The following UGT2B28 variants were observed in gnomAD, a reference collection of about 807,000 sequenced individuals.
The protein encoded by UGT2B28 is UDP glucuronosyltransferase family 2 member B28.
In UGT2B28, 45 loss-of-function variants were observed where a neutral mutation model predicts 43.6. The ratio of observed to expected loss-of-function variants is 1.03; its 90% CI spans 0.81 to 1.32. The LOEUF is 1.32. UGT2B28 is among the 40% of genes most tolerant of loss of function. The pLI is 0.00. For synonymous variants in UGT2B28, 204 were observed against 208.1 expected (o/e 0.98, Z 0.17); for missense variants, 649 against 625.5 (o/e 1.04, Z -0.40).
At chr4:69,287,404 G>C (rs1207715978) in intron 3 of UGT2B28, among the ~76,000 whole-genome samples, 1 of 140,540 alleles carries the variant, frequency 7.1e-6, no homozygotes. Flanking sequence ...AAGAAGATTT[G>C]ACTTACTCTT....
Position 69,280,811 on chromosome 4 carries a change from G to C in UGT2B28, c.311G>C (p.Ser104Thr). 1 of 1,566,378 alleles carries C rather than the reference G, an allele frequency of 6.4e-7. No homozygotes were observed. The highest frequency in any genetic ancestry group is 8.6e-7 in the Non-Finnish European group (1 of 1,158,174). Residue 104 changes from serine (S) to threonine (T), a missense_variant, in exon 1 of 6, where the codon AGC (serine) becomes ACC (threonine). Transcript: ENST00000335568. ...AGATGGTCAGACATTCAAAAAGATA[G>C]CTTTTGGTTATATTTTTCACAAGAA... ...VKRWSDIQKDSFWLYFSQEQE... is the reference protein window; with the variant it reads ...VKRWSDIQKDTFWLYFSQEQE...
In UGT2B28 at chr4:69,293,059, A is replaced by G. The variant is rs1723998254; in HGVS notation, c.1311-1471A>G. On this transcript the variant is annotated intron_variant, in intron 5 of 5. Coordinates refer to ENST00000335568, the MANE Select transcript of UGT2B28 (RefSeq NM_053039.2). ...AAAATTGTTAGCAACCCAAATATCTATTCATCGTAAAATGAAGACATAATC... is the reference window on the plus strand; with the variant it reads ...AAAATTGTTAGCAACCCAAATATCTGTTCATCGTAAAATGAAGACATAATC... Among the ~76,000 whole-genome samples, 2 of 140,812 alleles carry G rather than the reference A, an allele frequency of 1.4e-5. 1 individual carries two copies. The highest frequency in any genetic ancestry group is 4.7e-4 in the South Asian group (2 of 4,224). 92.4% of individuals were successfully genotyped at this position (140,812 alleles called of 152,430 possible). A position where few individuals can be genotyped will look rare whatever the true frequency, so the allele number is the denominator to read the frequency against.
At chr4:69,288,565 T>C (rs1723848114) in intron 3 of UGT2B28, among the ~76,000 whole-genome samples, 1 of 140,314 alleles carries the variant, frequency 7.1e-6, no homozygotes, top group Non-Finnish European at 1.5e-5. Context: ...TTTTTTATAA[T>C]ATTTTTATTT....
In UGT2B28 at chr4:69,288,350, C is replaced by A. The variant is rs1239265448; in HGVS notation, c.1003-1315C>A. On this transcript the variant is annotated intron_variant, in intron 3 of 5. Transcript: ENST00000335568. ...ACTTGCTATTTTGTCAATCAAAGGA[C>A]AACAGGCTCTAATATAATAACCTAC... 4.3e-5 allele frequency among the ~76,000 whole-genome samples: 6 copies of A among 138,994 alleles called. 2 individuals carry two copies. Among genetic ancestry groups the A allele is most frequent in the African/African-American group, 1.1e-4 (4 of 35,610 alleles). 91.2% of individuals were successfully genotyped at this position (138,994 alleles called of 152,430 possible). A position where few individuals can be genotyped will look rare whatever the true frequency, so the allele number is the denominator to read the frequency against.
chr4:69,283,343 G>T (rs1333938296), intron 2 of UGT2B28, among the ~76,000 whole-genome samples: 1 of 139,840 alleles, frequency 7.2e-6, no homozygotes, highest in Non-Finnish European at 1.5e-5. Context: ...TACATATTAG[G>T]AGTGGAAATA....
intron 2 of UGT2B28, among the ~76,000 whole-genome samples, chr4:69,284,337 A>T (rs181066952): frequency 2.1e-5 from 3 of 141,062 alleles, no homozygotes; most frequent in Non-Finnish European, 4.6e-5. Context: ...TTAAATTAAT[A>T]TCACATTTTA....
chr4:69,283,080 T>G (rs761309296), intron 2 of UGT2B28, among the ~76,000 whole-genome samples: 3 of 140,542 alleles, frequency 2.1e-5, no homozygotes, highest in Non-Finnish European at 3.0e-5. Context: ...GAAAATGTTT[T>G]AAAAAACTAT....
In UGT2B28 at chr4:69,283,826, A is replaced by G. The variant is rs1429055629; in HGVS notation, c.870+1164A>G. ...ATATTCTCTTGCAAAGTCATATATG[A>G]CAGATACCCTGTGGACTTGATTAAA... On this transcript the variant is annotated intron_variant, in intron 2 of 5. Coordinates refer to ENST00000335568, the MANE Select transcript of UGT2B28 (RefSeq NM_053039.2). 2.1e-5 allele frequency among the ~76,000 whole-genome samples: 3 copies of G among 140,574 alleles called. 1 individual carries two copies. Among genetic ancestry groups the G allele is most frequent in the African/African-American group, 8.3e-5 (3 of 36,056 alleles). 92.2% of individuals were successfully genotyped at this position (140,574 alleles called of 152,430 possible). A position where few individuals can be genotyped will look rare whatever the true frequency, so the allele number is the denominator to read the frequency against.
chr4:69,283,007 AAT>A lies in UGT2B28; in HGVS notation c.870+347_870+348del, dbSNP rs2109683781. On this transcript the variant is annotated intron_variant, in intron 2 of 5. Coordinates refer to ENST00000335568, the MANE Select transcript of UGT2B28 (RefSeq NM_053039.2). ...AAGTGCAGAAATTTCAGAGAAAAAAAATAGACAGTTTCCGTCTGCACATACCT... is the reference window on the plus strand; with the variant it reads ...AAGTGCAGAAATTTCAGAGAAAAAAAAGACAGTTTCCGTCTGCACATACCT... 1.4e-5 allele frequency among the ~76,000 whole-genome samples: 2 copies of A among 140,940 alleles called. 1 individual carries two copies. The highest frequency in any genetic ancestry group is 5.5e-5 in the African/African-American group (2 of 36,250). The allele number at this position is 140,940 out of a possible 152,430, so 92.5% of individuals were successfully genotyped here. A position where few individuals can be genotyped will look rare whatever the true frequency, so the allele number is the denominator to read the frequency against.
Position 69,292,065 on chromosome 4 carries a change from T to C in UGT2B28, c.1310+1254T>C, listed in dbSNP as rs573570777. Among the ~76,000 whole-genome samples, 3 of 140,746 alleles carry C rather than the reference T, an allele frequency of 2.1e-5. 1 individual carries two copies. The highest frequency in any genetic ancestry group is 4.6e-5 in the Non-Finnish European group (3 of 65,762). 92.3% of individuals were successfully genotyped at this position (140,746 alleles called of 152,430 possible). On this transcript the variant is annotated intron_variant, in intron 5 of 5. Coordinates refer to ENST00000335568, the MANE Select transcript of UGT2B28 (RefSeq NM_053039.2). ...CTTGGAACATTTTTAACTTTTCTAT[T>C]TGTCTTATTATTAAGTTTTAAGAAC...
chr4:69,291,739 C>CT (rs35059283), intron 5 of UGT2B28, among the ~76,000 whole-genome samples: 63,271 of 138,230 alleles, frequency 0.46, 20,063 homozygotes, highest in Non-Finnish European at 0.53. Flanking sequence ...TGGGTTGATG[C>CT]AGAAGTGGAA....
In UGT2B28 at chr4:69,280,875, C is replaced by A. The variant is rs1723580064; in HGVS notation, c.375C>A (p.Asn125Lys). Residue 125 changes from asparagine to lysine, a missense_variant, in exon 1 of 6, where the codon AAC becomes AAA. By Grantham distance (94) the Asn-to-Lys change is moderately conservative. Transcript: ENST00000335568. ...GGGAATTTCATGACATATTTAGAAA[C>A]TTCTGTAAAGATGTAGTTTCAAATA... The part of the protein sequence containing the change: ...ILWEFHDIFR[N>K]FCKDVVSNKK... 9 of 1,558,190 alleles carry A rather than the reference C, an allele frequency of 5.8e-6. No individual in the cohort carries two copies. The highest frequency in any genetic ancestry group is 7.8e-6 in the Non-Finnish European group (9 of 1,155,232).
At chr4:69,291,528 T>C (rs1723955013) in intron 5 of UGT2B28, among the ~76,000 whole-genome samples, 1 of 140,918 alleles carries the variant, frequency 7.1e-6, no homozygotes. Context: ...TTTTGTTCTT[T>C]TCTTATGGTT....
In UGT2B28 at chr4:69,290,762, T is replaced by A. The variant is rs1723932913; in HGVS notation, c.1261T>A (p.Ser421Thr). The part of the protein sequence containing the change: ...AAVRLDFHTM[S>T]STDLLNALKT... The stretch of plus-strand genomic sequence containing the variant: ...TGTTAGACTGGACTTCCACACAATG[T>A]CGAGTACAGACCTGCTGAATGCACT... Residue 421 changes from serine to threonine, a missense_variant, in exon 5 of 6, where the codon TCG (serine) becomes ACG (threonine). Physicochemically the swap from Ser to Thr is moderately conservative, Grantham distance 58 (BLOSUM62 1). Coordinates refer to ENST00000335568, the MANE Select transcript of UGT2B28 (RefSeq NM_053039.2). 1 of 1,559,790 alleles carries A rather than the reference T, an allele frequency of 6.4e-7. No individual in the cohort carries two copies. The highest frequency in any genetic ancestry group is 1.5e-5 in the African/African-American group (1 of 66,078).
intron 5 of UGT2B28, among the ~76,000 whole-genome samples, chr4:69,294,253 TA>T (rs1464503240): frequency 1.5e-5 from 2 of 137,440 alleles, no homozygotes; most frequent in East Asian, 4.2e-4. Flanking sequence ...ATTAAAGAAT[TA>T]AAAACAATTA....
rs371477713 is a variant in UGT2B28, at chr4:69,286,848, G to C, written c.967G>C (p.Val323Leu). ...ISNMTAERAN[V>L]IATALAKIPQ... ...TAACATGACAGCAGAAAGGGCCAAC[G>C]TAATTGCAACAGCCCTTGCCAAGAT... Residue 323 changes from valine to leucine, a missense_variant, in exon 3 of 6, where the codon GTA (valine) becomes CTA (leucine). Transcript: ENST00000335568. 5.1e-6 allele frequency: 8 copies of C among 1,556,128 alleles called. No homozygotes were observed. Among genetic ancestry groups the C allele is most frequent in the African/African-American group, 3.1e-5 (2 of 64,942 alleles).
In UGT2B28 at chr4:69,293,616, A is replaced by C. The variant is rs747169376; in HGVS notation, c.1311-914A>C. 9.7e-4 allele frequency among the ~76,000 whole-genome samples: 135 copies of C among 139,668 alleles called. 21 individuals are homozygous for C. The highest frequency in any genetic ancestry group is 2.9e-4 in the Non-Finnish European group (19 of 65,626). The allele number at this position is 139,668 out of a possible 152,430, so 91.6% of individuals were successfully genotyped here. A position where few individuals can be genotyped will look rare whatever the true frequency, so the allele number is the denominator to read the frequency against. On this transcript the variant is annotated intron_variant, in intron 5 of 5. Coordinates refer to ENST00000335568, the MANE Select transcript of UGT2B28 (RefSeq NM_053039.2). ...GAAGCATGCCTTGGGTTGCAGCAAG[A>C]AAGAGTACTCCAAGAGCAGGAGAGA...
At chr4:69,291,996 T>G (rs529403648) in intron 5 of UGT2B28, among the ~76,000 whole-genome samples, 2 of 140,644 alleles carry the variant, frequency 1.4e-5, no homozygotes, top group East Asian at 4.1e-4. Flanking sequence ...TAAGTGCTTA[T>G]TGATCATTCA....
Position 69,290,710 on chromosome 4 carries a change from T to G in UGT2B28, c.1209T>G (p.Ile403Met). Residue 403 changes from isoleucine to methionine, a missense_variant, in exon 5 of 6, where the codon ATT becomes ATG. By Grantham distance (10) the Ile-to-Met change is conservative (BLOSUM62 1). Transcript: ENST00000335568. ...IPLFWDQPDNIAHMKAKGAAV... is the reference protein window; with the variant it reads ...IPLFWDQPDNMAHMKAKGAAV... The stretch of plus-strand genomic sequence containing the variant: ...TGTTTTGGGATCAACCTGATAACAT[T>G]GCTCACATGAAGGCCAAGGGAGCAG... The G allele has an allele frequency of 6.4e-7, 1 of 1,559,692 alleles. No homozygotes were observed. The highest frequency in any genetic ancestry group is 1.5e-5 in the African/African-American group (1 of 66,042).
Sources: gnomAD v4.1 joint callset for allele counts (sites outside exome capture counted in the v4.1 genomes callset) on GRCh38, gnomAD v4.1.1 for gene constraint, MANE v1.5 for transcripts, NCBI Gene and HGNC (gene_info 2026-07-23, HGNC 2026-07-21) for gene names.